Variants in PRDM16 observed in about 807,000 individuals in gnomAD.
PRDM16 encodes the protein PR/SET domain 16, also known as histone-lysine N-methyltransferase PRDM16.
Under a neutral mutation model 110.6 loss-of-function variants are expected in PRDM16, and 23 were observed. The observed-to-expected ratio is 0.21, with a 90% confidence interval of 0.15 to 0.29. The LOEUF (loss-of-function observed/expected upper bound fraction) is 0.29. Among genes scored for constraint, PRDM16 ranks in the 10% least tolerant of loss-of-function variants. PRDM16 has a pLI of 1.00. For missense variants in PRDM16, 1,615 were observed against 1,794.3 expected (o/e 0.90, Z 1.81); for synonymous variants, 799 against 781.8 (o/e 1.02, Z -0.37).
At chr1:3,236,447 CA>C (rs1639542855) in intron 2 of PRDM16, among the ~76,000 whole-genome samples, 1 of 152,212 alleles carries the variant, frequency 6.6e-6, no homozygotes, top group Admixed American at 6.5e-5. Context: ...ACCGCATTGG[CA>C]ATGAGGTGGG....
At chr1:3,114,199 G>GCACGCGCGCACACGCACACA (rs1553127282) in intron 1 of PRDM16, among the ~76,000 whole-genome samples, 28 of 110,356 alleles carry the variant, frequency 2.5e-4, no homozygotes, top group Non-Finnish European at 4.0e-4. Flanking sequence ...ACACGCACAC[G>GCACGCGCGCACACGCACACA]CACGCACACA....
intron 3 of PRDM16, among the ~76,000 whole-genome samples, chr1:3,284,038 C>T (rs545063159): frequency 1.3e-5 from 2 of 152,102 alleles, no homozygotes; most frequent in South Asian, 2.1e-4. Flanking sequence ...CCTAGGGTAG[C>T]GGGCCTGGGG....
chr1:3,154,389 A>T (rs1643827696), intron 1 of PRDM16, among the ~76,000 whole-genome samples: 1 of 152,186 alleles, frequency 6.6e-6, no homozygotes, highest in Non-Finnish European at 1.5e-5. Context: ...AGCTTTGCAC[A>T]TTCTATAGGA....
In PRDM16 at chr1:3,425,579, A is replaced by G. The variant is rs1161367121; in HGVS notation, c.2940-2A>G. ...ACTGAGGAGCGCGTGTGCCCCTTCCAGGTGTAAGTACTGCGACCGCTCCTT... is the reference window on the plus strand; with the variant it reads ...ACTGAGGAGCGCGTGTGCCCCTTCCGGGTGTAAGTACTGCGACCGCTCCTT... On this transcript the variant is annotated splice_acceptor_variant, in intron 12 of 16. Coordinates refer to ENST00000270722, the MANE Select transcript of PRDM16 (RefSeq NM_022114.4). LOFTEE classifies it high-confidence loss of function. The surrounding 1 kb of genome is among the most constrained non-coding windows in gnomAD (Gnocchi z 6.9). The G allele has an allele frequency of 6.2e-7, 1 of 1,613,440 alleles. No homozygotes were observed. The highest frequency in any genetic ancestry group is 8.5e-7 in the Non-Finnish European group (1 of 1,179,778).
rs1277325004 is a variant in PRDM16, at chr1:3,071,058, T to C, written c.37+1762T>C. On this transcript the variant is annotated intron_variant, in intron 1 of 16. Coordinates refer to ENST00000270722, the MANE Select transcript of PRDM16 (RefSeq NM_022114.4). Reference sequence around the variant, plus strand: ...GCGTGTTCGGGTTCGGTTCTGTGTGTGCACCGCGGGCCTGCTCAGAGTCGG... The same window carrying C: ...GCGTGTTCGGGTTCGGTTCTGTGTGCGCACCGCGGGCCTGCTCAGAGTCGG... Among the ~76,000 whole-genome samples, 4 of 152,248 alleles carry C rather than the reference T, an allele frequency of 2.6e-5. No homozygotes were observed. The South Asian group carries it at 8.3e-4, about 31-fold the overall frequency.
At chr1:3,421,988 GCAGA>G (rs1228820613) in intron 12 of PRDM16, among the ~76,000 whole-genome samples, 24 of 148,270 alleles carry the variant, frequency 1.6e-4, no homozygotes, top group East Asian at 5.9e-4. Flanking sequence ...GGACAGACAG[GCAGA>G]CAGACAGACA....
intron 3 of PRDM16, among the ~76,000 whole-genome samples, chr1:3,316,293 G>A (rs1641599726): frequency 6.8e-6 from 1 of 146,090 alleles, no homozygotes; most frequent in African/African-American, 2.5e-5. Context: ...GGTGGGGGTG[G>A]GGGTGGGGTT....
In PRDM16 at chr1:3,425,483, C is replaced by A; in HGVS notation, c.2940-98C>A. The A allele has an allele frequency of 7.5e-7, 1 of 1,338,040 alleles. No individual in the cohort carries two copies. Among genetic ancestry groups the A allele is most frequent in the Non-Finnish European group, 1.0e-6 (1 of 969,324 alleles). 82.9% of individuals were successfully genotyped at this position (1,338,040 alleles called of 1,614,324 possible). A position where few individuals can be genotyped will look rare whatever the true frequency, so the allele number is the denominator to read the frequency against. ...GCGGGGCAAAGCTGTGCACGGGGCA[C>A]GGGGCAGGGGCGCGGGCTCCCTTCC... On this transcript the variant is annotated intron_variant, in intron 12 of 16. Transcript: ENST00000270722. This position sits in a 1 kb window ranked among gnomAD's most constrained non-coding sequence, Gnocchi z 6.9.
At chr1:3,207,501 G>C (rs776609021) in intron 2 of PRDM16, 1 of 152,276 alleles carries the variant, frequency 6.6e-6, no homozygotes, top group African/African-American at 2.4e-5. Flanking sequence ...AGCTGCCCAC[G>C]TGGCGGCAGC....
chr1:3,276,554 C>T (rs770962807), intron 3 of PRDM16, among the ~76,000 whole-genome samples: 27 of 152,290 alleles, frequency 1.8e-4, no homozygotes, highest in South Asian at 1.2e-3. Flanking sequence ...CTAACTCCGC[C>T]GGTGTCTGAC....
rs145922296 is a variant in PRDM16 at position 3,263,907 on chromosome 1, G to A, written c.438+19770G>A. 2.0e-3 allele frequency among the ~76,000 whole-genome samples: 303 copies of A among 152,284 alleles called. 1 individual carries two copies. The highest frequency in any genetic ancestry group is 6.7e-3 in the African/African-American group (277 of 41,556). ...TGGTTGCTGGGTCCTTCCTTCAGTC[G>A]ACGCCTCTTGGAGCCTCCTGTACGG... On this transcript the variant is annotated intron_variant, in intron 3 of 16. Transcript: ENST00000270722.
chr1:3,282,558 A>G (rs1223239546), intron 3 of PRDM16, among the ~76,000 whole-genome samples: 4 of 152,254 alleles, frequency 2.6e-5, no homozygotes, highest in East Asian at 1.9e-4. Flanking sequence ...CCACGATTCA[A>G]TCCACCTGAG....
At chr1:3,129,104 G>T (rs985969606) in intron 1 of PRDM16, among the ~76,000 whole-genome samples, 14 of 152,038 alleles carry the variant, frequency 9.2e-5, no homozygotes, top group Non-Finnish European at 2.1e-4. Context: ...GCTGGTGTGC[G>T]TGCATGGGTG....
At chr1:3,162,688 A>G (rs534081735) in intron 1 of PRDM16, among the ~76,000 whole-genome samples, 2 of 152,284 alleles carry the variant, frequency 1.3e-5, no homozygotes, top group South Asian at 4.1e-4. Context: ...GGTGTGGAAA[A>G]CGCGGAGCCA....
chr1:3,252,068 G>A (rs1639946061), intron 3 of PRDM16, among the ~76,000 whole-genome samples: 2 of 152,216 alleles, frequency 1.3e-5, no homozygotes, highest in Admixed American at 1.3e-4. Context: ...CCCCTCCAGT[G>A]TAAAAGAGGG....
rs1009041637 is a variant in PRDM16, at chr1:3,069,569, C to G, written c.37+273C>G. 6.7e-6 allele frequency among the ~76,000 whole-genome samples: 1 copy of G among 148,334 alleles called. No homozygotes were observed. The highest frequency in any genetic ancestry group is 1.5e-5 in the Non-Finnish European group (1 of 66,310). ...TCCCCCCCCACCAGTGTCAGGCGCT[C>G]GGGCCCGGGAACCCGAGGCGCGCGG... is the stretch of plus-strand genomic sequence containing the variant. On this transcript the variant is annotated intron_variant, in intron 1 of 16. Transcript: ENST00000270722. This position sits in a 1 kb window ranked among gnomAD's most constrained non-coding sequence, Gnocchi z 6.1.
intron 2 of PRDM16, among the ~76,000 whole-genome samples, chr1:3,228,313 G>C (rs1436693288): frequency 6.6e-6 from 1 of 152,198 alleles, no homozygotes; most frequent in Non-Finnish European, 1.5e-5. Flanking sequence ...CTGCCTGAAC[G>C]TGCACAGGTG....
chr1:3,245,390 C>A lies in PRDM16; in HGVS notation c.438+1253C>A, dbSNP rs943420504. On this transcript the variant is annotated intron_variant, in intron 3 of 16. Transcript: ENST00000270722. The surrounding 1 kb of genome is among the most constrained non-coding windows in gnomAD (Gnocchi z 4.7). ...CATCTGGGCAGAGCTATCCGCAAAG[C>A]ACAGGGGGACCTGACCCTTCTCTCC... 6.6e-6 allele frequency among the ~76,000 whole-genome samples: 1 copy of A among 152,234 alleles called. No homozygotes were observed. Among genetic ancestry groups the A allele is most frequent in the African/African-American group, 2.4e-5 (1 of 41,462 alleles).
In PRDM16 at chr1:3,246,022, A is replaced by C. The variant is rs981980811; in HGVS notation, c.438+1885A>C. Among the ~76,000 whole-genome samples, 1 of 152,134 alleles carries C rather than the reference A, an allele frequency of 6.6e-6. No individual in the cohort carries two copies. The highest frequency in any genetic ancestry group is 2.4e-5 in the African/African-American group (1 of 41,434). On this transcript the variant is annotated intron_variant, in intron 3 of 16. Transcript: ENST00000270722. The surrounding 1 kb of genome is among the most constrained non-coding windows in gnomAD (Gnocchi z 5.2). ...TATGCTGGGAGGGGTTGCTTGGTCT[A>C]GGAACAGGGGTCAAGTCAGAAGGTC...
Sources: gnomAD v4.1 joint callset for allele counts (sites outside exome capture counted in the v4.1 genomes callset) on GRCh38, gnomAD v4.1.1 for gene constraint, Gnocchi (gnomAD v3.1) non-coding constraint, MANE v1.5 for transcripts, NCBI Gene and HGNC (gene_info 2026-07-23, HGNC 2026-07-21) for gene names.